The following CENPP variants were observed in gnomAD, a reference collection of about 807,000 sequenced individuals.
The protein encoded by CENPP is centromere protein P.
CENPP carries 24 observed loss-of-function variants against 35.6 expected under a neutral mutation model. The observed-to-expected ratio is 0.67, with a 90% CI of 0.49 to 0.95. The LOEUF is 0.95. Among genes scored for constraint, CENPP ranks in the 40% least tolerant of loss-of-function variants. The pLI is 0.00. For missense variants in CENPP, 332 were observed against 345.3 expected (o/e 0.96, Z 0.31); for synonymous variants, 120 against 125.5 (o/e 0.96, Z 0.29).
At chr9:92,572,496 A>G (rs529182773) in intron 5 of CENPP, among the ~76,000 whole-genome samples, 4 of 152,204 alleles carry the variant, frequency 2.6e-5, no homozygotes, top group African/African-American at 7.2e-5. Context: ...GGGTAACCCG[A>G]CCTTTCTCTC....
chr9:92,337,703 C>A, intron 3 of CENPP, 74 bp downstream of exon 3: 1 of 941,640 alleles, frequency 1.1e-6, no homozygotes, highest in Non-Finnish European at 1.8e-6. Flanking sequence ...CCCCAGCCTT[C>A]AACAGTGATG....
chr9:92,417,369 T>C (rs777753922), intron 5 of CENPP: 1 of 1,614,118 alleles, frequency 6.2e-7, no homozygotes, highest in East Asian at 2.2e-5. Flanking sequence ...AAGCATTCAC[T>C]GACACAGCCT....
intron 4 of CENPP, among the ~76,000 whole-genome samples, chr9:92,367,608 C>CATTTT (rs1047545169): frequency 9.9e-5 from 15 of 152,032 alleles, no homozygotes; most frequent in South Asian, 8.3e-4. Context: ...TATACAGTAA[C>CATTTT]ATTTTATTTT....
intron 3 of CENPP, among the ~76,000 whole-genome samples, chr9:92,345,396 G>A (rs1055164965): frequency 4.0e-5 from 6 of 151,310 alleles, no homozygotes; most frequent in African/African-American, 1.5e-4. Context: ...GGAGAATGAG[G>A]CAGAAGAATC....
intron 5 of CENPP, among the ~76,000 whole-genome samples, chr9:92,497,715 T>C (rs1846431009): frequency 6.6e-6 from 1 of 151,548 alleles, no homozygotes; most frequent in Non-Finnish European, 1.5e-5. Context: ...CCCCTCCAAA[T>C]CTCATGTTGA....
chr9:92,363,521 C>T (rs1171345884), intron 4 of CENPP, among the ~76,000 whole-genome samples: 2 of 152,124 alleles, frequency 1.3e-5, no homozygotes, highest in South Asian at 2.1e-4. Context: ...CATATAGCCT[C>T]GGTTTGCAGT....
intron 5 of CENPP, among the ~76,000 whole-genome samples, chr9:92,501,700 G>A (rs992845029): frequency 1.3e-5 from 2 of 152,196 alleles, no homozygotes; most frequent in Non-Finnish European, 2.9e-5. Context: ...TCTGCCTACA[G>A]TGGGCTCAGT....
intron 5 of CENPP, among the ~76,000 whole-genome samples, chr9:92,469,820 A>G (rs1044411440): frequency 6.6e-6 from 1 of 152,130 alleles, no homozygotes; most frequent in Non-Finnish European, 1.5e-5. Flanking sequence ...TTCAGACTAA[A>G]TCAGAAATTT....
intron 4 of CENPP, among the ~76,000 whole-genome samples, chr9:92,370,910 A>G (rs910412315): frequency 5.9e-5 from 9 of 152,054 alleles, no homozygotes; most frequent in Non-Finnish European, 1.3e-4. Flanking sequence ...TAAGTTGTTG[A>G]TAATAGTCTC....
intron 5 of CENPP, chr9:92,514,916 C>A: frequency 6.2e-7 from 1 of 1,613,768 alleles, no homozygotes; most frequent in Non-Finnish European, 8.5e-7. Context: ...AGCCTCCTCT[C>A]CTCTCCAGGC....
intron 5 of CENPP, among the ~76,000 whole-genome samples, chr9:92,442,347 G>C (rs1355645213): frequency 1.4e-5 from 2 of 146,116 alleles, no homozygotes; most frequent in Non-Finnish European, 3.0e-5. Flanking sequence ...GCAGTGAGCC[G>C]AGGTCGCGCC....
chr9:92,541,802 T>A (rs1278232863), intron 5 of CENPP, among the ~76,000 whole-genome samples: 1 of 152,036 alleles, frequency 6.6e-6, no homozygotes, highest in East Asian at 1.9e-4. Context: ...TTTCCTTTTT[T>A]GTTTTTTTTG....
rs6479426 is a variant in CENPP, at chr9:92,620,359, G to A, written c.*7210G>A. ...TACATGTGCACATGTGTGTGACGCGGGCAGGGAGAAAGGTGAAGGACAGGC... is the reference window on the plus strand; with the variant it reads ...TACATGTGCACATGTGTGTGACGCGAGCAGGGAGAAAGGTGAAGGACAGGC... On this transcript the variant is annotated 3_prime_UTR_variant, in exon 8 of 8. Coordinates refer to ENST00000375587, the MANE Select transcript of CENPP (RefSeq NM_001012267.3). 35,733 of 152,272 alleles carry A rather than the reference G, an allele frequency of 0.23. 4,967 individuals carry two copies. The highest frequency in any genetic ancestry group is 0.66 in the East Asian group (3,423 of 5,180). 9.4% of individuals were successfully genotyped at this position (152,272 alleles called of 1,614,324 possible). A position where few individuals can be genotyped will look rare whatever the true frequency, so the allele number is the denominator to read the frequency against.
intron 2 of CENPP, among the ~76,000 whole-genome samples, chr9:92,335,441 A>T (rs1840895740): frequency 6.6e-6 from 1 of 152,128 alleles, no homozygotes; most frequent in Non-Finnish European, 1.5e-5. Context: ...TTTTTGGCAC[A>T]TTTATTTTTA....
chr9:92,352,754 A>G (rs570001244), intron 4 of CENPP, among the ~76,000 whole-genome samples: 4 of 151,460 alleles, frequency 2.6e-5, no homozygotes, highest in Non-Finnish European at 5.9e-5. Context: ...TGCCTGCTCT[A>G]TATTCACTGG....
intron 5 of CENPP, among the ~76,000 whole-genome samples, chr9:92,475,740 CTTT>C (rs910125753): frequency 6.6e-6 from 1 of 152,162 alleles, no homozygotes; most frequent in African/African-American, 2.4e-5. Flanking sequence ...CAATTGGTAT[CTTT>C]TTCCTTCTAA....
At chr9:92,445,176 C>T (rs929236364) in intron 5 of CENPP, among the ~76,000 whole-genome samples, 1 of 152,196 alleles carries the variant, frequency 6.6e-6, no homozygotes, top group Non-Finnish European at 1.5e-5. Context: ...AAGGTGGTCA[C>T]AGTGTCTCAT....
intron 5 of CENPP, chr9:92,512,087 C>G: frequency 6.2e-7 from 1 of 1,613,754 alleles, no homozygotes; most frequent in Non-Finnish European, 8.5e-7. Context: ...ATTTGGTAAT[C>G]CATTAAATGC....
intron 5 of CENPP, among the ~76,000 whole-genome samples, chr9:92,607,896 A>T (rs1851125977): frequency 6.6e-6 from 1 of 152,256 alleles, no homozygotes; most frequent in South Asian, 2.1e-4. Context: ...TCTTACAGCC[A>T]TCTTTCTATC....
Sources: allele counts gnomAD v4.1 joint callset (sites outside exome capture counted in the v4.1 genomes callset), GRCh38; gene constraint gnomAD v4.1.1; transcripts MANE v1.5; gene names NCBI Gene and HGNC (gene_info 2026-07-23, HGNC 2026-07-21).